The following RBFOX1 variants were observed in gnomAD, a reference collection of about 807,000 sequenced individuals.
RBFOX1 encodes RNA binding fox-1 homolog 1.
A neutral mutation model predicts 57.7 loss-of-function variants in RBFOX1; 8 were observed. The ratio of observed to expected loss-of-function variants is 0.14; its 90% CI spans 0.08 to 0.25. The LOEUF (loss-of-function observed/expected upper bound fraction) is 0.25, where lower values mean the gene tolerates loss of function less well. Ranked by LOEUF, RBFOX1 falls within the 10% of genes least tolerant of loss-of-function variation. The probability of loss-of-function intolerance (pLI) is 1.00; values close to 1 mark genes in which losing one functional copy is unlikely to be tolerated. For synonymous variants in RBFOX1, 326 were observed against 222.4 expected (o/e 1.47, Z -4.15); for missense variants, 611 against 548.5 (o/e 1.11, Z -1.14).
chr16:7,216,781 A>G (rs2092122679), intron 4 of RBFOX1, among the ~76,000 whole-genome samples: 1 of 152,166 alleles, frequency 6.6e-6, no homozygotes, highest in Non-Finnish European at 1.5e-5. Flanking sequence ...CATTACAGAA[A>G]AATTCTTAGG....
chr16:7,127,722 C>G (rs1377877544), intron 4 of RBFOX1, among the ~76,000 whole-genome samples: 1 of 152,154 alleles, frequency 6.6e-6, no homozygotes, highest in Non-Finnish European at 1.5e-5. Context: ...GTTGTATATG[C>G]TTCAAAACGA....
chr16:5,635,905 G>T (rs911123349), intron 3 of RBFOX1, among the ~76,000 whole-genome samples: 4 of 152,180 alleles, frequency 2.6e-5, no homozygotes, highest in African/African-American at 7.2e-5. Context: ...GGATGAAGGG[G>T]TGATATCAAA....
chr16:5,646,257 C>T (rs576055892), intron 3 of RBFOX1, among the ~76,000 whole-genome samples: 1 of 148,636 alleles, frequency 6.7e-6, no homozygotes, highest in Non-Finnish European at 1.5e-5. Context: ...AATCTCTTGA[C>T]CTTGTGATCC....
intron 3 of RBFOX1, among the ~76,000 whole-genome samples, chr16:6,905,398 C>A (rs757277394): frequency 9.1e-4 from 138 of 152,048 alleles, no homozygotes; most frequent in Non-Finnish European, 1.5e-3. Flanking sequence ...ACTAAAAATA[C>A]AAAAATTAAC....
chr16:7,195,145 C>G (rs4354958), intron 4 of RBFOX1, among the ~76,000 whole-genome samples: 27,378 of 152,072 alleles, frequency 0.18, 2,658 homozygotes, highest in East Asian at 0.37. Context: ...TGTTTTGTGC[C>G]TCATATTGCA....
intron 4 of RBFOX1, among the ~76,000 whole-genome samples, chr16:5,990,239 C>G (rs1185285087): frequency 6.6e-6 from 1 of 152,178 alleles, no homozygotes; most frequent in Non-Finnish European, 1.5e-5. Flanking sequence ...GATCCTCCCA[C>G]TTTGGCCTCC....
intron 1 of RBFOX1, among the ~76,000 whole-genome samples, chr16:6,185,495 T>G (rs1041965723): frequency 2.0e-5 from 3 of 152,214 alleles, no homozygotes; most frequent in Non-Finnish European, 4.4e-5. Context: ...AACCAGAGCC[T>G]TGCTTTCCTT....
At chr16:5,305,797 C>T (rs556715642) in intron 1 of RBFOX1, among the ~76,000 whole-genome samples, 1 of 152,154 alleles carries the variant, frequency 6.6e-6, no homozygotes, top group Non-Finnish European at 1.5e-5. Flanking sequence ...GTGGCTTATC[C>T]CTATCATCCC....
At position 5,426,900 on chromosome 16, in the gene RBFOX1, A is replaced by G. The variant is rs569375189; in HGVS notation, c.220-40316A>G. Among the ~76,000 whole-genome samples, 12 of 152,312 alleles carry G rather than the reference A, an allele frequency of 7.9e-5. No individual in the cohort carries two copies. The East Asian group carries it at 1.5e-3, about 20-fold the overall frequency. On this transcript the variant is annotated intron_variant, in intron 1 of 2. Transcript: ENST00000585867. ...AACCATCCCTGCTTTACAGGTGAGA[A>G]AATTGGAGCCCAGAGCCCTGTAGTC... is the stretch of plus-strand genomic sequence containing the variant.
chr16:6,573,713 G>C (rs1475550799), intron 2 of RBFOX1: 1 of 152,260 alleles, frequency 6.6e-6, no homozygotes, highest in Non-Finnish European at 1.5e-5. Context: ...TCCCGAAAGA[G>C]ACACTTGGTA....
intron 4 of RBFOX1, among the ~76,000 whole-genome samples, chr16:7,251,096 A>G (rs2094483886): frequency 6.6e-6 from 1 of 152,180 alleles, no homozygotes; most frequent in African/African-American, 2.4e-5. Flanking sequence ...TAAACAAAAG[A>G]TTTCTTGAAA....
chr16:7,187,556 GC>G (rs1242974464), intron 4 of RBFOX1, among the ~76,000 whole-genome samples: 2 of 151,360 alleles, frequency 1.3e-5, no homozygotes, highest in African/African-American at 4.9e-5. Context: ...AGGCGTGGTG[GC>G]GGGCGCCTGT....
rs528099438 is a variant in RBFOX1 at position 5,735,057 on chromosome 16, G to C, written c.319-132246G>C. Reference sequence around the variant, plus strand: ...GAAGTATGTGAAGTCCACAGTGGTAGGAAGGAATGGGGGCCATGCCTTGTG... The same window carrying C: ...GAAGTATGTGAAGTCCACAGTGGTACGAAGGAATGGGGGCCATGCCTTGTG... On this transcript the variant is annotated intron_variant, in intron 3 of 19. Transcript: ENST00000641259. Among the ~76,000 whole-genome samples the C allele has an allele frequency of 9.5e-4, 144 of 152,316 alleles. 1 individual carries two copies. The highest frequency in any genetic ancestry group is 3.3e-3 in the African/African-American group (138 of 41,578).
At chr16:7,688,692 G>C (rs1438612154) in intron 14 of RBFOX1, among the ~76,000 whole-genome samples, 1 of 152,104 alleles carries the variant, frequency 6.6e-6, no homozygotes, top group Non-Finnish European at 1.5e-5. Flanking sequence ...AGCTGAGGCA[G>C]ATAGAGTATA....
intron 3 of RBFOX1, among the ~76,000 whole-genome samples, chr16:5,719,963 GC>G (rs559665192): frequency 2.6e-5 from 4 of 151,620 alleles, no homozygotes; most frequent in Non-Finnish European, 5.9e-5. Context: ...TCCCCGCCCC[GC>G]CCCCATGATT....
At chr16:6,024,639 C>G (rs1168823853) in intron 1 of RBFOX1, among the ~76,000 whole-genome samples, 3 of 152,196 alleles carry the variant, frequency 2.0e-5, no homozygotes, top group Non-Finnish European at 4.4e-5. Context: ...CAGGTGTGCT[C>G]TGCCACGCCT....
At chr16:7,495,122 A>G (rs1242421127) in intron 4 of RBFOX1, among the ~76,000 whole-genome samples, 1 of 152,198 alleles carries the variant, frequency 6.6e-6, no homozygotes, top group Non-Finnish European at 1.5e-5. Context: ...CTCCAGCTGC[A>G]TCCATGTTGC....
intron 14 of RBFOX1, among the ~76,000 whole-genome samples, chr16:7,707,037 G>A (rs1403406597): frequency 6.6e-6 from 1 of 152,174 alleles, no homozygotes; most frequent in African/African-American, 2.4e-5. Flanking sequence ...AGAATGAAAG[G>A]CAAGAGGGAG....
chr16:6,650,397 C>T (rs1479801679), intron 2 of RBFOX1, among the ~76,000 whole-genome samples: 1 of 151,948 alleles, frequency 6.6e-6, no homozygotes, highest in African/African-American at 2.4e-5. Context: ...AATAAAATTA[C>T]CTGGAGGAAA....
Sources: gnomAD v4.1 joint callset for allele counts (sites outside exome capture counted in the v4.1 genomes callset) on GRCh38, gnomAD v4.1.1 for gene constraint, MANE v1.5 for transcripts, NCBI Gene and HGNC (gene_info 2026-07-23, HGNC 2026-07-21) for gene names.